HOXB3: variants seen among roughly 807,000 people sequenced by gnomAD.
HOXB3 encodes homeobox B3, also known as homeobox protein Hox-B3.
HOXB3 carries 17 observed loss-of-function variants against 29.2 expected under a neutral mutation model. The ratio of observed to expected loss-of-function variants is 0.58; its 90% CI spans 0.40 to 0.87. The LOEUF (loss-of-function observed/expected upper bound fraction) is 0.87. Ranked by LOEUF, HOXB3 falls within the 40% of genes least tolerant of loss-of-function variation. The pLI, the probability that HOXB3 is intolerant of heterozygous loss-of-function variation, is 0.00. For synonymous variants in HOXB3, 317 were observed against 285.9 expected (o/e 1.11, Z -1.10); for missense variants, 637 against 616.3 (o/e 1.03, Z -0.35).
intron 2 of HOXB3, among the ~76,000 whole-genome samples, chr17:48,572,328 G>T (rs2069611384): frequency 6.6e-6 from 1 of 152,184 alleles, no homozygotes; most frequent in Non-Finnish European, 1.5e-5. Context: ...TATAGAAATA[G>T]CTTCCTCAAC....
At chr17:48,581,154 C>T (rs187612112) in intron 1 of HOXB3, 17 of 152,354 alleles carry the variant, frequency 1.1e-4, no homozygotes, top group Admixed American at 7.8e-4. Flanking sequence ...TATGCCCAGT[C>T]CTGGGACCTT....
chr17:48,583,555 G>A (rs1390849207), intron 1 of HOXB3, among the ~76,000 whole-genome samples: 1 of 152,168 alleles, frequency 6.6e-6, no homozygotes, highest in Non-Finnish European at 1.5e-5. Context: ...CAGCCTAGTT[G>A]GTAGGGTGGT....
In HOXB3 at chr17:48,550,228, G is replaced by A. The variant is rs139598264; in HGVS notation, c.*106C>T. The A allele has an allele frequency of 0.014, 20,623 of 1,480,616 alleles. 188 individuals carry two copies. The highest frequency in any genetic ancestry group is 0.017 in the Non-Finnish European group (18,394 of 1,093,694). 91.7% of individuals were successfully genotyped at this position (1,480,616 alleles called of 1,614,324 possible). On this transcript the variant is annotated 3_prime_UTR_variant, in exon 5 of 5. Transcript: ENST00000498678. ...AGGCCGGTTCTGACCAGGAAGCCTG[G>A]GTACCACCTTCTCTGGCTCCTCTTT... is the stretch of plus-strand genomic sequence containing the variant.
At chr17:48,575,158 A>G (rs1047978781) in intron 1 of HOXB3, 1 of 152,244 alleles carries the variant, frequency 6.6e-6, no homozygotes, top group Non-Finnish European at 1.5e-5. Context: ...TTTGCTTATG[A>G]CAAATAAATC....
chr17:48,567,981 G>A (rs992481444), intron 2 of HOXB3, among the ~76,000 whole-genome samples: 5 of 151,746 alleles, frequency 3.3e-5, no homozygotes, highest in East Asian at 1.9e-4. Context: ...TTCCACCTTT[G>A]ACCACCCCCC....
chr17:48,582,143 C>T (rs1347699600), intron 1 of HOXB3: 1 of 152,418 alleles, frequency 6.6e-6, no homozygotes, highest in Non-Finnish European at 1.5e-5. Context: ...CGCTAGGAAT[C>T]ATCACCTTTT....
At chr17:48,558,305 CCAAGCCTCCT>C (rs1367246367) in intron 2 of HOXB3, among the ~76,000 whole-genome samples, 6 of 152,094 alleles carry the variant, frequency 3.9e-5, no homozygotes, top group Non-Finnish European at 7.4e-5. Context: ...CCTCCCTTCC[CCAAGCCTCCT>C]CAACTCTTTG....
At chr17:48,578,120 G>T in intron 1 of HOXB3, 1 of 1,358,004 alleles carries the variant, frequency 7.4e-7, no homozygotes, top group Non-Finnish European at 9.6e-7. Context: ...GTCCCGGCAG[G>T]CCGCGTAGCG....
chr17:48,559,605 G>C (rs921573513), intron 2 of HOXB3: 24 of 152,218 alleles, frequency 1.6e-4, no homozygotes, highest in African/African-American at 5.6e-4. Flanking sequence ...AGATTTCAAA[G>C]CTGGGAGTTG....
chr17:48,561,774 T>C (rs1201117564), intron 2 of HOXB3, among the ~76,000 whole-genome samples: 1 of 152,358 alleles, frequency 6.6e-6, no homozygotes, highest in East Asian at 1.9e-4. Flanking sequence ...TTTCAGATGT[T>C]CCAGCTTGGC....
chr17:48,582,993 C>A (rs771604544), intron 1 of HOXB3, among the ~76,000 whole-genome samples: 1 of 152,352 alleles, frequency 6.6e-6, no homozygotes, highest in African/African-American at 2.4e-5. Context: ...CTTCCCTGAA[C>A]CTTACCCCTA....
At chr17:48,586,024 A>G (rs974458898) in intron 1 of HOXB3, among the ~76,000 whole-genome samples, 2 of 152,106 alleles carry the variant, frequency 1.3e-5, no homozygotes, top group African/African-American at 4.8e-5. Context: ...GTTGCGACCA[A>G]AACCAGCCGC....
chr17:48,551,129 G>GCCACCACTGCCT lies in HOXB3; in HGVS notation c.489_500dup (p.Gly164_Gly167dup). 1 of 1,335,190 alleles carries GCCACCACTGCCT rather than the reference G, an allele frequency of 7.5e-7. No individual in the cohort carries two copies. The highest frequency in any genetic ancestry group is 9.6e-7 in the Non-Finnish European group (1 of 1,043,788). 82.7% of individuals were successfully genotyped at this position (1,335,190 alleles called of 1,614,324 possible). On this transcript the variant is annotated inframe_insertion, in exon 5 of 5. Coordinates refer to ENST00000498678, the MANE Select transcript of HOXB3 (RefSeq NM_001384749.1). ...CGCCGCCGCCGCCACCGCCCCCGCT[G>GCCACCACTGCCT]CCACCACTGCCTCCGCCGCCGCCGC...
At chr17:48,572,975 T>C (rs1011042967) in intron 2 of HOXB3, among the ~76,000 whole-genome samples, 4 of 152,118 alleles carry the variant, frequency 2.6e-5, no homozygotes, top group Admixed American at 2.6e-4. Context: ...CTCTCTCTCC[T>C]GCCAGCCTCC....
chr17:48,564,684 G>A (rs1420591529), intron 2 of HOXB3, among the ~76,000 whole-genome samples: 1 of 152,226 alleles, frequency 6.6e-6, no homozygotes, highest in Non-Finnish European at 1.5e-5. Flanking sequence ...GCGCCATGGC[G>A]GAAGGCGGGC....
intron 1 of HOXB3, among the ~76,000 whole-genome samples, chr17:48,585,284 G>A (rs1053774343): frequency 6.6e-6 from 1 of 152,196 alleles, no homozygotes; most frequent in Non-Finnish European, 1.5e-5. Flanking sequence ...ACACCCGAGT[G>A]GGGCCGAGGT....
At chr17:48,586,582 G>C (rs1206206941) in intron 1 of HOXB3, among the ~76,000 whole-genome samples, 2 of 152,166 alleles carry the variant, frequency 1.3e-5, no homozygotes, top group Admixed American at 1.3e-4. Context: ...AGATATGAGC[G>C]TTGATTTCCC....
chr17:48,560,766 G>A (rs1202061760), intron 2 of HOXB3, among the ~76,000 whole-genome samples: 1 of 152,196 alleles, frequency 6.6e-6, no homozygotes. Context: ...GAGGAGACCC[G>A]GTAGAGTGCT....
Position 48,551,153 on chromosome 17 carries a change from GCCA to G in HOXB3, c.474_476del (p.Gly164del), listed in dbSNP as rs755319933. On this transcript the variant is annotated inframe_deletion, in exon 5 of 5. Transcript: ENST00000498678. Reference sequence around the variant, plus strand: ...TGCCACCACTGCCTCCGCCGCCGCCGCCACCGCCGCCGCCACCACAGCCCTCTG... The same window carrying G: ...TGCCACCACTGCCTCCGCCGCCGCCGCCGCCGCCGCCACCACAGCCCTCTG... 3 of 1,280,322 alleles carry G rather than the reference GCCA, an allele frequency of 2.3e-6. No individual in the cohort carries two copies. The highest frequency in any genetic ancestry group is 9.9e-7 in the Non-Finnish European group (1 of 1,011,860). 79.3% of individuals were successfully genotyped at this position (1,280,322 alleles called of 1,614,324 possible).
Sources: allele counts gnomAD v4.1 joint callset (sites outside exome capture counted in the v4.1 genomes callset), GRCh38; gene constraint gnomAD v4.1.1; transcripts MANE v1.5; gene names NCBI Gene and HGNC (gene_info 2026-07-23, HGNC 2026-07-21).